CYP2C18: variants seen among roughly 807,000 people sequenced by gnomAD.
CYP2C18 encodes the protein cytochrome P450 family 2 subfamily C member 18.
Under a neutral mutation model 41.3 loss-of-function variants are expected in CYP2C18, and 38 were observed. The observed-to-expected ratio is 0.92, with a 90% confidence interval of 0.71 to 1.21. The LOEUF (loss-of-function observed/expected upper bound fraction) is 1.21, where lower values mean the gene tolerates loss of function less well. CYP2C18 is among the 50% of genes most tolerant of loss of function. The pLI, the probability that CYP2C18 is intolerant of heterozygous loss-of-function variation, is 0.00. For synonymous variants in CYP2C18, 236 were observed against 210.0 expected (o/e 1.12, Z -1.07); for missense variants, 635 against 591.4 (o/e 1.07, Z -0.77).
chr10:94,692,807 G>A (rs1847030800), intron 3 of CYP2C18, among the ~76,000 whole-genome samples: 2 of 152,318 alleles, frequency 1.3e-5, no homozygotes, highest in South Asian at 4.1e-4. Context: ...TTAAGAAAAT[G>A]TGGCACATAT....
chr10:94,734,790 T>C (rs950715623), intron 8 of CYP2C18, among the ~76,000 whole-genome samples: 1 of 152,184 alleles, frequency 6.6e-6, no homozygotes, highest in African/African-American at 2.4e-5. Flanking sequence ...AGATGGGTGT[T>C]GTTTAAAGTT....
intron 3 of CYP2C18, among the ~76,000 whole-genome samples, chr10:94,691,252 A>G (rs111764383): frequency 0.021 from 3,139 of 152,318 alleles, 113 homozygotes; most frequent in African/African-American, 0.064. Context: ...TGCAGATAAC[A>G]TGATTGTATA....
At chr10:94,719,734 C>A (rs1847617383) in intron 5 of CYP2C18, among the ~76,000 whole-genome samples, 1 of 151,902 alleles carries the variant, frequency 6.6e-6, no homozygotes, top group Non-Finnish European at 1.5e-5. Flanking sequence ...GCCATCACGC[C>A]CGGCTAATTT....
chr10:94,721,133 C>T (rs11188062), intron 6 of CYP2C18, among the ~76,000 whole-genome samples: 67,801 of 151,814 alleles, frequency 0.45, 16,687 homozygotes, highest in Admixed American at 0.6. Flanking sequence ...CCTGCCTCAG[C>T]CTCCTGAGTA....
intron 3 of CYP2C18, among the ~76,000 whole-genome samples, chr10:94,691,036 G>A (rs2134176628): frequency 6.6e-6 from 1 of 152,172 alleles, no homozygotes; most frequent in African/African-American, 2.4e-5. Flanking sequence ...AATAATAAGA[G>A]CTATCTATGA....
rs532965074 is a variant in CYP2C18, at chr10:94,709,781, G to C, written c.819+2821G>C. Among the ~76,000 whole-genome samples the C allele has an allele frequency of 3.3e-5, 5 of 152,220 alleles. No homozygotes were observed. The South Asian group carries it at 8.3e-4, about 25-fold the overall frequency. Reference sequence around the variant, plus strand: ...CACTCTGAGTCAATTTTTGATTATAGTGTGAGGTATGGGTACAACTTCATT... The same window carrying C: ...CACTCTGAGTCAATTTTTGATTATACTGTGAGGTATGGGTACAACTTCATT... On this transcript the variant is annotated intron_variant, in intron 5 of 8. Coordinates refer to ENST00000285979, the MANE Select transcript of CYP2C18 (RefSeq NM_000772.3).
In CYP2C18 at chr10:94,683,745, G is replaced by A. The variant is rs1217411080; in HGVS notation, c.-75G>A. On this transcript the variant is annotated 5_prime_UTR_variant, in exon 1 of 9. The change creates a new upstream start codon in the 5' untranslated region. Coordinates refer to ENST00000285979, the MANE Select transcript of CYP2C18 (RefSeq NM_000772.3). The stretch of plus-strand genomic sequence containing the variant: ...GTCACAGTCAGAGTCAGAATCACAG[G>A]TGGATTAGTAGGGAGTGTTATAAAA... The A allele has an allele frequency of 3.9e-5, 44 of 1,141,078 alleles. No homozygotes were observed. The East Asian group carries it at 1.1e-3, about 29-fold the overall frequency. 70.7% of individuals were successfully genotyped at this position (1,141,078 alleles called of 1,614,324 possible).
chr10:94,729,048 T>C (rs1210000093), intron 7 of CYP2C18, among the ~76,000 whole-genome samples: 1 of 152,116 alleles, frequency 6.6e-6, no homozygotes, highest in Non-Finnish European at 1.5e-5. Context: ...TAAAAGTTGC[T>C]TACGAGTAAC....
chr10:94,734,354 G>A (rs138415582), intron 8 of CYP2C18, among the ~76,000 whole-genome samples: 21 of 152,114 alleles, frequency 1.4e-4, no homozygotes, highest in Non-Finnish European at 2.4e-4. Flanking sequence ...TTTGGATCTG[G>A]CACTGTATAC....
intron 5 of CYP2C18, among the ~76,000 whole-genome samples, chr10:94,712,008 A>ATTTTTTTTCTTTTTTTTTTTTTTTTTTTT (rs1847444292): frequency 1.0e-5 from 1 of 97,874 alleles, no homozygotes; most frequent in Non-Finnish European, 2.0e-5. Flanking sequence ...TGCCCAACTA[A>ATTTTTTTTCTTTTTTTTTTTTTTTTTTTT]TTTTTTTTTT....
intron 5 of CYP2C18, among the ~76,000 whole-genome samples, chr10:94,707,829 G>A (rs1847369159): frequency 6.6e-6 from 1 of 152,164 alleles, no homozygotes; most frequent in South Asian, 2.1e-4. Context: ...ACCTGTGTGG[G>A]AAATTTCAGT....
chr10:94,707,873 C>A (rs554835583), intron 5 of CYP2C18, among the ~76,000 whole-genome samples: 19 of 152,140 alleles, frequency 1.2e-4, no homozygotes, highest in African/African-American at 4.6e-4. Context: ...ATAACTTTAA[C>A]TGAGGAGGGA....
Position 94,724,351 on chromosome 10 carries a change from G to A in CYP2C18, c.967G>A (p.Val323Ile), listed in dbSNP as rs765609209. The change falls in exon 7 of 9, where the codon GTC (valine) becomes ATC (isoleucine). Residue 323 changes from valine to isoleucine, a missense_variant. Physicochemically the swap from Val to Ile is conservative, Grantham distance 29 (BLOSUM62 3). Coordinates refer to ENST00000285979, the MANE Select transcript of CYP2C18 (RefSeq NM_000772.3). ...TCTTACTTGTGTCTTATCAGCTAAAGTCCAGGAAGAGATTGAATGTGTAGT... is the reference window on the plus strand; with the variant it reads ...TCTTACTTGTGTCTTATCAGCTAAAATCCAGGAAGAGATTGAATGTGTAGT... ...LLKYPEVTAK[V>I]QEEIECVVGR... 6.2e-7 allele frequency: 1 copy of A among 1,613,152 alleles called. No homozygotes were observed. The highest frequency in any genetic ancestry group is 1.3e-5 in the African/African-American group (1 of 74,876).
chr10:94,722,001 C>A (rs942661667), intron 6 of CYP2C18, among the ~76,000 whole-genome samples: 5 of 152,056 alleles, frequency 3.3e-5, no homozygotes, highest in African/African-American at 1.2e-4. Context: ...AAAATGATTT[C>A]TTTTATTTTG....
At chr10:94,686,836 A>G (rs944325679) in intron 1 of CYP2C18, among the ~76,000 whole-genome samples, 5 of 152,174 alleles carry the variant, frequency 3.3e-5, no homozygotes, top group Non-Finnish European at 7.3e-5. Context: ...TTTGCTTCAC[A>G]GTCATTTGCT....
At chr10:94,702,428 G>A (rs750009999) in intron 4 of CYP2C18, among the ~76,000 whole-genome samples, 23 of 151,754 alleles carry the variant, frequency 1.5e-4, no homozygotes, top group Admixed American at 4.6e-4. Context: ...GGCTTTGTTC[G>A]CTCCTTTTCA....
chr10:94,707,965 A>G (rs1201788328), intron 5 of CYP2C18, among the ~76,000 whole-genome samples: 1 of 152,192 alleles, frequency 6.6e-6, no homozygotes, highest in East Asian at 1.9e-4. Flanking sequence ...TCAGGACACT[A>G]AGGTGCAAAG....
chr10:94,715,399 A>C (rs944325087), intron 5 of CYP2C18, among the ~76,000 whole-genome samples: 4 of 152,156 alleles, frequency 2.6e-5, no homozygotes, highest in African/African-American at 9.7e-5. Flanking sequence ...AGGTTTTTGA[A>C]TTTTGTCAAA....
chr10:94,687,710 A>G (rs779738299), intron 1 of CYP2C18, 60 bp from the exon 2 acceptor site: 20 of 1,427,990 alleles, frequency 1.4e-5, no homozygotes, highest in Non-Finnish European at 1.7e-5. Flanking sequence ...TGAATCACGG[A>G]CAATATATAG....
Sources: gnomAD v4.1 joint callset for allele counts (sites outside exome capture counted in the v4.1 genomes callset) on GRCh38, gnomAD v4.1.1 for gene constraint, MANE v1.5 for transcripts, NCBI Gene and HGNC (gene_info 2026-07-23, HGNC 2026-07-21) for gene names.